SLC22A23: variants seen among roughly 807,000 people sequenced by gnomAD.
The protein encoded by SLC22A23 is solute carrier family 22 member 23.
A neutral mutation model predicts 61.0 loss-of-function variants in SLC22A23; 26 were observed. The observed-to-expected ratio is 0.43, with a 90% CI of 0.31 to 0.59. The LOEUF (loss-of-function observed/expected upper bound fraction) is 0.59. SLC22A23 is among the 20% of genes least tolerant of loss of function. SLC22A23 has a pLI of 0.11. For missense variants in SLC22A23, 796 were observed against 934.7 expected, an observed-to-expected ratio of 0.85 and a Z score of 1.94; for synonymous variants, 430 against 413.9, an observed-to-expected ratio of 1.04 and a Z score of -0.47.
rs1345387081 is a variant in SLC22A23, at chr6:3,431,082, A to AAAAG, written c.655-15231_655-15228dup. Among the ~76,000 whole-genome samples, 156 of 138,040 alleles carry AAAAG rather than the reference A, an allele frequency of 1.1e-3. 6 individuals carry two copies. The highest frequency in any genetic ancestry group is 1.5e-3 in the East Asian group (7 of 4,706). 90.6% of individuals were successfully genotyped at this position (138,040 alleles called of 152,430 possible). A position where few individuals can be genotyped will look rare whatever the true frequency, so the allele number is the denominator to read the frequency against. ...ACTCCGTCTCAAAAAAAAAAAAAAA[A>AAAAG]AAAGAAAGAAAGAAAAAGAAAACAC... is the stretch of plus-strand genomic sequence containing the variant. On this transcript the variant is annotated intron_variant, in intron 1 of 9. Coordinates refer to ENST00000406686, the MANE Select transcript of SLC22A23 (RefSeq NM_015482.2).
rs1382567893 is a variant in SLC22A23, at chr6:3,315,399, GT to G, written c.1082+8434del. The stretch of plus-strand genomic sequence containing the variant: ...AATGCGTAGAGCCAGGACCAAGTTT[GT>G]TTTACTTGCTTTCATCGCTTCCAGG... On this transcript the variant is annotated intron_variant, in intron 4 of 9. Coordinates refer to ENST00000406686, the MANE Select transcript of SLC22A23 (RefSeq NM_015482.2). 2.6e-5 allele frequency among the ~76,000 whole-genome samples: 4 copies of G among 152,210 alleles called. No individual in the cohort carries two copies. In the South Asian group the frequency reaches 6.2e-4, roughly 24 times the overall value.
chr6:3,359,967 T>C (rs149880326), intron 3 of SLC22A23, among the ~76,000 whole-genome samples: 23 of 152,338 alleles, frequency 1.5e-4, no homozygotes, highest in Non-Finnish European at 2.6e-4. Context: ...GTCCTTGTTC[T>C]GAGGGAATCC....
At chr6:3,361,041 A>G (rs1765405964) in intron 3 of SLC22A23, among the ~76,000 whole-genome samples, 1 of 145,426 alleles carries the variant, frequency 6.9e-6, no homozygotes. Flanking sequence ...TTGTTTGTAT[A>G]TTTTCTATTT....
intron 3 of SLC22A23, among the ~76,000 whole-genome samples, chr6:3,355,410 G>C (rs141908273): frequency 3.0e-4 from 45 of 152,086 alleles, no homozygotes; most frequent in African/African-American, 9.6e-4. Flanking sequence ...CCTGTTCTAT[G>C]CAACAAAGCA....
At chr6:3,435,048 G>C (rs1255888344) in intron 1 of SLC22A23, among the ~76,000 whole-genome samples, 3 of 152,140 alleles carry the variant, frequency 2.0e-5, no homozygotes, top group Admixed American at 2.0e-4. Flanking sequence ...CAGGCAACAA[G>C]GGTGCTGGAA....
At chr6:3,275,558 T>C (rs1758814687) in intron 9 of SLC22A23, among the ~76,000 whole-genome samples, 1 of 152,236 alleles carries the variant, frequency 6.6e-6, no homozygotes, top group Admixed American at 6.5e-5. Flanking sequence ...TCGTGAAGCA[T>C]ATATCAGATA....
At position 3,344,654 on chromosome 6, in the gene SLC22A23, C is replaced by T. The variant is rs537376089; in HGVS notation, c.914-20652G>A. Among the ~76,000 whole-genome samples, 47 of 152,288 alleles carry T rather than the reference C, an allele frequency of 3.1e-4. 1 individual carries two copies. The East Asian group carries it at 7.5e-3, about 24-fold the overall frequency. On this transcript the variant is annotated intron_variant, in intron 3 of 9. Coordinates refer to ENST00000406686, the MANE Select transcript of SLC22A23 (RefSeq NM_015482.2). The stretch of plus-strand genomic sequence containing the variant: ...ACACATAGAGTGATGTATAAAGATC[C>T]TTTTTCTGGAGGTAGAAGTGAACAG...
chr6:3,438,998 T>C (rs1295237129), intron 1 of SLC22A23, among the ~76,000 whole-genome samples: 1 of 152,190 alleles, frequency 6.6e-6, no homozygotes, highest in East Asian at 1.9e-4. Context: ...ATCTGTTGGG[T>C]GTGGTCAGGA....
chr6:3,373,048 G>C (rs1766328511), intron 3 of SLC22A23, among the ~76,000 whole-genome samples: 1 of 152,182 alleles, frequency 6.6e-6, no homozygotes, highest in Non-Finnish European at 1.5e-5. Context: ...GGATTCCGAA[G>C]GGTTAACACT....
intron 3 of SLC22A23, among the ~76,000 whole-genome samples, chr6:3,402,080 C>T (rs1176919864): frequency 2.0e-5 from 3 of 152,182 alleles, no homozygotes; most frequent in Admixed American, 1.3e-4. Flanking sequence ...GGCAAGTCCC[C>T]TGGCCCTCCT....
intron 3 of SLC22A23, among the ~76,000 whole-genome samples, chr6:3,341,524 G>A (rs1260277677): frequency 6.6e-6 from 1 of 152,114 alleles, no homozygotes; most frequent in Non-Finnish European, 1.5e-5. Flanking sequence ...AAAAATCACA[G>A]TATTACTCTA....
rs545080559 is a variant in SLC22A23, at chr6:3,315,739, C to G, written c.1082+8095G>C. On this transcript the variant is annotated intron_variant, in intron 4 of 9. Coordinates refer to ENST00000406686, the MANE Select transcript of SLC22A23 (RefSeq NM_015482.2). Reference sequence around the variant, plus strand: ...ATTAGCCAGGCGTGGTGGTGGGCACCTGTAGTCCCAGCTACTTAGGAGGCT... The same window carrying G: ...ATTAGCCAGGCGTGGTGGTGGGCACGTGTAGTCCCAGCTACTTAGGAGGCT... 2.0e-5 allele frequency among the ~76,000 whole-genome samples: 3 copies of G among 152,210 alleles called. No individual in the cohort carries two copies. In the East Asian group the frequency reaches 5.8e-4, roughly 29 times the overall value.
In SLC22A23 at chr6:3,305,081, C is replaced by T. The variant is rs1488463588; in HGVS notation, c.1083-6863G>A. Among the ~76,000 whole-genome samples the T allele has an allele frequency of 2.0e-5, 3 of 152,262 alleles. No homozygotes were observed. The East Asian group carries it at 5.8e-4, about 29-fold the overall frequency. ...GGGGGTAGCACTGCTCACCACCTTCCCCATGACGGGATTTACAACCAACAG... is the reference window on the plus strand; with the variant it reads ...GGGGGTAGCACTGCTCACCACCTTCTCCATGACGGGATTTACAACCAACAG... On this transcript the variant is annotated intron_variant, in intron 4 of 9. Transcript: ENST00000406686.
At chr6:3,434,018 T>G (rs1371192115) in intron 1 of SLC22A23, among the ~76,000 whole-genome samples, 1 of 152,134 alleles carries the variant, frequency 6.6e-6, no homozygotes, top group Non-Finnish European at 1.5e-5. Flanking sequence ...GCCTCCACTT[T>G]AAAAAATCTG....
intron 5 of SLC22A23, among the ~76,000 whole-genome samples, chr6:3,296,239 A>G (rs1030705807): frequency 2.6e-5 from 4 of 152,344 alleles, no homozygotes; most frequent in African/African-American, 9.6e-5. Context: ...AGAAACCTGG[A>G]TTGAGTACTC....
intron 1 of SLC22A23, among the ~76,000 whole-genome samples, chr6:3,435,855 C>T (rs1771175494): frequency 6.6e-6 from 1 of 152,096 alleles, no homozygotes; most frequent in African/African-American, 2.4e-5. Context: ...GGTGTCCTTA[C>T]AAGGAGAGAT....
intron 6 of SLC22A23, among the ~76,000 whole-genome samples, chr6:3,287,670 A>G (rs1760153072): frequency 1.1e-5 from 1 of 92,996 alleles, no homozygotes; most frequent in Admixed American, 1.2e-4. Flanking sequence ...GGTCCACAGG[A>G]AACTGTTTTT....
chr6:3,424,714 CTG>C (rs1770370127), intron 1 of SLC22A23, among the ~76,000 whole-genome samples: 1 of 152,218 alleles, frequency 6.6e-6, no homozygotes, highest in Admixed American at 6.5e-5. Context: ...GCCCTGCTGT[CTG>C]TGTTTGTAAA....
intron 1 of SLC22A23, chr6:3,439,247 C>T (rs2127548532): frequency 2.4e-6 from 1 of 413,662 alleles, no homozygotes; most frequent in Non-Finnish European, 4.8e-6. Context: ...ACAACAACGA[C>T]AAAAATGTCT....
Sources: allele counts gnomAD v4.1 joint callset (sites outside exome capture counted in the v4.1 genomes callset), GRCh38; gene constraint gnomAD v4.1.1; transcripts MANE v1.5; gene names NCBI Gene and HGNC (gene_info 2026-07-23, HGNC 2026-07-21).